Variants in ARRDC1 observed in about 807,000 individuals in gnomAD.
The protein encoded by ARRDC1 is arrestin domain containing 1, also known as arrestin domain-containing protein 1.
In ARRDC1, 37 loss-of-function variants were observed where a neutral mutation model predicts 40.1. The observed-to-expected ratio is 0.92, with a 90% CI of 0.71 to 1.21. ARRDC1 has a LOEUF of 1.21. ARRDC1 is among the 50% of genes most tolerant of loss of function. The probability of loss-of-function intolerance (pLI) is 0.00; values close to 1 mark genes in which losing one functional copy is unlikely to be tolerated. For synonymous variants in ARRDC1, 310 were observed against 262.5 expected (o/e 1.18, Z -1.75); for missense variants, 641 against 581.9 (o/e 1.10, Z -1.04).
chr9:137,609,311 C>T (rs554950538), intron 1 of ARRDC1, among the ~76,000 whole-genome samples: 8 of 151,784 alleles, frequency 5.3e-5, no homozygotes, highest in South Asian at 4.2e-4. Context: ...AGCTGCTCAC[C>T]GCAACCTCTG....
chr9:137,609,469 G>C (rs1842476428), intron 1 of ARRDC1, among the ~76,000 whole-genome samples: 1 of 152,064 alleles, frequency 6.6e-6, no homozygotes, highest in Non-Finnish European at 1.5e-5. Flanking sequence ...CCGAACCTCA[G>C]GTGATCCGCC....
chr9:137,607,469 C>T (rs1264892588), intron 1 of ARRDC1, among the ~76,000 whole-genome samples: 1 of 152,208 alleles, frequency 6.6e-6, no homozygotes, highest in Non-Finnish European at 1.5e-5. Flanking sequence ...GGAGGGAGGC[C>T]TGGGAGGGAG....
At chr9:137,606,174 C>G (rs897201271) in intron 1 of ARRDC1, among the ~76,000 whole-genome samples, 2 of 151,658 alleles carry the variant, frequency 1.3e-5, no homozygotes, top group Non-Finnish European at 2.9e-5. Context: ...CCCTGGCTCC[C>G]GGCGCAGGCG....
chr9:137,614,130 G>A lies in ARRDC1; in HGVS notation c.534G>A (p.Val178=). The A allele has an allele frequency of 3.7e-6, 6 of 1,613,526 alleles. No homozygotes were observed. Among genetic ancestry groups the A allele is most frequent in the Non-Finnish European group, 5.1e-6 (6 of 1,179,798 alleles). ...LTASTDLRGY[V]VGQALQLHAD... ...CCAGCACTGATCTCCGCGGCTATGT[G>A]GTGGGGCAGGCACTGCAGCTGCATG... is the stretch of plus-strand genomic sequence containing the variant. The change falls in exon 5 of 8, where the codon GTG becomes GTA. Residue 178 remains valine (V), a synonymous_variant. Transcript: ENST00000371421.
chr9:137,608,368 C>G (rs540748500), intron 1 of ARRDC1, among the ~76,000 whole-genome samples: 2 of 152,290 alleles, frequency 1.3e-5, no homozygotes, highest in South Asian at 4.1e-4. Flanking sequence ...GTCCAGAAGG[C>G]GGAAGAAGTC....
chr9:137,613,511 G>A lies in ARRDC1; in HGVS notation c.280+1G>A, dbSNP rs749549063. 1 of 1,613,832 alleles carries A rather than the reference G, an allele frequency of 6.2e-7. No homozygotes were observed. The highest frequency in any genetic ancestry group is 8.5e-7 in the Non-Finnish European group (1 of 1,179,982). On this transcript the variant is annotated splice_donor_variant, in intron 3 of 7. Coordinates refer to ENST00000371421, the MANE Select transcript of ARRDC1 (RefSeq NM_152285.4). LOFTEE classifies it high-confidence loss of function. ...TTCCCCTTCCAGTTCCTGCTTCCTG[G>A]TGAGAGCCCAGCCTGGACAGGCCTG...
intron 1 of ARRDC1, among the ~76,000 whole-genome samples, chr9:137,610,871 A>G (rs1193264455): frequency 6.6e-6 from 1 of 151,032 alleles, no homozygotes; most frequent in Non-Finnish European, 1.5e-5. Flanking sequence ...CCTTTTTTGT[A>G]TTTTTAGTAG....
At position 137,614,741 on chromosome 9, in the gene ARRDC1, C is replaced by T; in HGVS notation, c.978C>T (p.Pro326=). 2 of 1,608,876 alleles carry T rather than the reference C, an allele frequency of 1.2e-6. No homozygotes were observed. The highest frequency in any genetic ancestry group is 1.1e-5 in the South Asian group (1 of 90,814). Residue 326 remains proline (P), a synonymous_variant, in exon 7 of 8, where the codon CCC becomes CCT. Transcript: ENST00000371421. The part of the protein sequence containing the change: ...EAEAEAAAGG[P]HFLDPVFLST... ...AGGCTGAGGCTGCGGCTGGCGGCCC[C>T]CACTTCTTGGACCCCGTCTTCCTCT...
intron 1 of ARRDC1, 73 bp downstream of exon 1, chr9:137,605,908 T>C (rs1334025654): frequency 5.2e-6 from 5 of 963,802 alleles, no homozygotes; most frequent in Admixed American, 9.0e-5. Flanking sequence ...GCGGCTGCCG[T>C]CGCCTGGCCC....
Position 137,614,303 on chromosome 9 carries a change from T to C in ARRDC1, c.623T>C (p.Val208Ala), listed in dbSNP as rs769733649. The C allele has an allele frequency of 1.9e-6, 3 of 1,591,082 alleles. No individual in the cohort carries two copies. The highest frequency in any genetic ancestry group is 2.7e-5 in the African/African-American group (2 of 74,540). ...SPVVASLLQK[V>A]SYKAKRWIHD... The stretch of plus-strand genomic sequence containing the variant: ...CACAGGCTGGTCCTTCCCCAGAAAG[T>C]GTCCTATAAGGCCAAGCGCTGGATC... Residue 208 changes from valine to alanine, a missense_variant, in exon 6 of 8, where the codon GTG (valine) becomes GCG (alanine). Val to Ala is a moderately conservative substitution (Grantham distance 64). Coordinates refer to ENST00000371421, the MANE Select transcript of ARRDC1 (RefSeq NM_152285.4).
rs746136210 is a variant in ARRDC1 at position 137,614,299 on chromosome 9, A to T, written c.619A>T (p.Lys207Ter). The T allele has an allele frequency of 6.3e-7, 1 of 1,589,744 alleles. No homozygotes were observed. The highest frequency in any genetic ancestry group is 1.1e-5 in the South Asian group (1 of 87,838). The part of the protein sequence containing the change: ...TSPVVASLLQ[K>*]VSYKAKRWIH... ...GGCTCACAGGCTGGTCCTTCCCCAG[A>T]AAGTGTCCTATAAGGCCAAGCGCTG... Residue 207 changes from lysine to a stop codon, truncating the protein, a stop_gained and splice_region_variant, in exon 6 of 8, where the codon AAA becomes TAA. Coordinates refer to ENST00000371421, the MANE Select transcript of ARRDC1 (RefSeq NM_152285.4). LOFTEE classifies it high-confidence loss of function.
chr9:137,612,370 C>T (rs970612652), intron 1 of ARRDC1: 4 of 161,038 alleles, frequency 2.5e-5, no homozygotes, highest in South Asian at 1.8e-4. Flanking sequence ...GGAAGTAGGG[C>T]CCCACCCAAC....
intron 1 of ARRDC1, 89 bp from the exon 2 acceptor site, chr9:137,612,807 C>T: frequency 1.0e-6 from 1 of 999,830 alleles, no homozygotes; most frequent in East Asian, 2.6e-5. Context: ...GGTGGTGCTG[C>T]TTGGCCCCAG....
intron 4 of ARRDC1, 85 bp downstream of exon 4, chr9:137,613,854 G>C: frequency 6.4e-7 from 1 of 1,571,674 alleles, no homozygotes; most frequent in Non-Finnish European, 8.7e-7. Flanking sequence ...CTTCATCCCA[G>C]CGTCCTGTCC....
intron 6 of ARRDC1, 32 bp from the exon 7 acceptor site, chr9:137,614,527 G>A (rs965270250): frequency 1.2e-6 from 2 of 1,613,056 alleles, no homozygotes; most frequent in Non-Finnish European, 1.7e-6. Context: ...CCTTGGCCCT[G>A]GCCCCTCATG....
chr9:137,612,916 G>A lies in ARRDC1; in HGVS notation c.139G>A (p.Gly47Ser). 6.2e-7 allele frequency: 1 copy of A among 1,614,110 alleles called. No individual in the cohort carries two copies. Residue 47 changes from glycine (G) to serine (S), a missense_variant, in exon 2 of 8, where the codon GGT becomes AGT. Physicochemically the swap from Gly to Ser is moderately conservative, Grantham distance 56 (BLOSUM62 0). Coordinates refer to ENST00000371421, the MANE Select transcript of ARRDC1 (RefSeq NM_152285.4). The stretch of plus-strand genomic sequence containing the variant: ...TGCAGCCATCCGGGTGACCTGCATA[G>A]GTTCCTGCGGGGTCTCCAACAAGGC... ...PFRAIRVTCI[G>S]SCGVSNKAND...
In ARRDC1 at chr9:137,613,774, G is replaced by A. The variant is rs768413825; in HGVS notation, c.435+5G>A. ...AACAGCATCCCAGACATTGAGGTGA[G>A]GATGGCACAGTGACCTCCTTGGTGG... is the stretch of plus-strand genomic sequence containing the variant. On this transcript the variant is annotated splice_donor_5th_base_variant and intron_variant, in intron 4 of 7. Coordinates refer to ENST00000371421, the MANE Select transcript of ARRDC1 (RefSeq NM_152285.4). 1.2e-6 allele frequency: 2 copies of A among 1,613,974 alleles called. No homozygotes were observed. The highest frequency in any genetic ancestry group is 2.2e-5 in the South Asian group (2 of 91,082).
rs773287502 is a variant in ARRDC1, at chr9:137,614,648, A to G, written c.885A>G (p.Pro295=). The change falls in exon 7 of 8, where the codon CCA becomes CCG. Residue 295 remains proline, a synonymous_variant. Transcript: ENST00000371421. ...ACCATGCCCCAGTGAGCCCCCGGCC[A>G]GGCCTGGGGCTGCCTCCTGGGGCCC... ...AVNHAPVSPR[P]GLGLPPGAPP... 1.2e-6 allele frequency: 2 copies of G among 1,612,556 alleles called. No individual in the cohort carries two copies. The highest frequency in any genetic ancestry group is 2.2e-5 in the South Asian group (2 of 91,064).
At chr9:137,610,246 T>C (rs1842491268) in intron 1 of ARRDC1, among the ~76,000 whole-genome samples, 1 of 152,156 alleles carries the variant, frequency 6.6e-6, no homozygotes, top group African/African-American at 2.4e-5. Flanking sequence ...TCTCACAGCG[T>C]TGTGGGTTAG....
Sources: gnomAD v4.1 joint callset for allele counts (sites outside exome capture counted in the v4.1 genomes callset) on GRCh38, gnomAD v4.1.1 for gene constraint, MANE v1.5 for transcripts, NCBI Gene and HGNC (gene_info 2026-07-23, HGNC 2026-07-21) for gene names.